Variants in GRIN2A observed in about 807,000 individuals in gnomAD.
GRIN2A encodes glutamate ionotropic receptor NMDA type subunit 2A.
A neutral mutation model predicts 113.4 loss-of-function variants in GRIN2A; 22 were observed. The observed-to-expected ratio is 0.19, with a 90% CI of 0.14 to 0.28. GRIN2A has a LOEUF of 0.28. Among genes scored for constraint, GRIN2A ranks in the 10% least tolerant of loss-of-function variants. GRIN2A has a pLI of 1.00. For synonymous variants in GRIN2A, 827 were observed against 738.4 expected (o/e 1.12, Z -1.94); for missense variants, 1,502 against 1,887.0 (o/e 0.80, Z 3.78).
At chr16:10,120,766 AGTTC>A (rs1250192792) in intron 2 of GRIN2A, among the ~76,000 whole-genome samples, 3 of 152,132 alleles carry the variant, frequency 2.0e-5, no homozygotes, top group African/African-American at 7.2e-5. Flanking sequence ...CACTCCAGTT[AGTTC>A]AAGAGAAACT....
chr16:10,034,535 C>CAAAAAAAAA (rs58076569), intron 2 of GRIN2A, among the ~76,000 whole-genome samples: 6 of 36,430 alleles, frequency 1.6e-4, no homozygotes, highest in African/African-American at 3.3e-4. Flanking sequence ...CAAAAAAAAG[C>CAAAAAAAAA]AAAAAAAAAA....
At chr16:9,809,155 C>T (rs994187582) in intron 10 of GRIN2A, among the ~76,000 whole-genome samples, 6 of 152,186 alleles carry the variant, frequency 3.9e-5, no homozygotes, top group Admixed American at 2.6e-4. Flanking sequence ...CACGGTGGCT[C>T]ACTCCTGTAA....
At chr16:10,099,158 C>T (rs1265280059) in intron 2 of GRIN2A, among the ~76,000 whole-genome samples, 1 of 152,040 alleles carries the variant, frequency 6.6e-6, no homozygotes, top group African/African-American at 2.4e-5. Context: ...TTTCCTTGAC[C>T]TTAAAGGCTT....
At chr16:9,799,198 T>C (rs1324334954) in intron 10 of GRIN2A, among the ~76,000 whole-genome samples, 2 of 152,230 alleles carry the variant, frequency 1.3e-5, no homozygotes, top group African/African-American at 4.8e-5. Flanking sequence ...TAGGGTGTTA[T>C]GGGGCTGCAC....
chr16:9,776,857 C>T (rs774571304), intron 11 of GRIN2A, among the ~76,000 whole-genome samples: 2 of 152,158 alleles, frequency 1.3e-5, no homozygotes, highest in African/African-American at 2.4e-5. Context: ...GGCACAGATT[C>T]ATTGGCAGGC....
chr16:10,000,301 G>T (rs1056508410), intron 2 of GRIN2A, among the ~76,000 whole-genome samples: 1 of 152,100 alleles, frequency 6.6e-6, no homozygotes, highest in African/African-American at 2.4e-5. Flanking sequence ...TGAAGAACAT[G>T]CATGTGTTAA....
intron 2 of GRIN2A, among the ~76,000 whole-genome samples, chr16:10,148,026 C>A (rs2049482012): frequency 6.6e-6 from 1 of 152,182 alleles, no homozygotes; most frequent in Admixed American, 6.5e-5. Flanking sequence ...ACTTGCCTTC[C>A]TGAGCTTCCC....
In GRIN2A at chr16:9,759,695, A is replaced by G. The variant is rs1338460835; in HGVS notation, c.*3454T>C. The G allele has an allele frequency of 4.4e-6, 1 of 229,546 alleles. No homozygotes were observed. The highest frequency in any genetic ancestry group is 6.2e-5 in the East Asian group (1 of 16,142). The allele number at this position is 229,546 out of a possible 1,614,324, so 14.2% of individuals were successfully genotyped here. A position where few individuals can be genotyped will look rare whatever the true frequency, so the allele number is the denominator to read the frequency against. ...ATGCCCAGTCATGGTGCTGGCTAAA[A>G]TAACGCAGAGAGATTTGCAGAGGAC... is the stretch of plus-strand genomic sequence containing the variant. On this transcript the variant is annotated 3_prime_UTR_variant, in exon 13 of 13. Transcript: ENST00000330684.
intron 3 of GRIN2A, among the ~76,000 whole-genome samples, chr16:9,933,565 C>T (rs1349603754): frequency 6.6e-6 from 1 of 152,210 alleles, no homozygotes; most frequent in African/African-American, 2.4e-5. Flanking sequence ...TTATCAGATG[C>T]TTTGCAGAGT....
chr16:10,053,501 C>T (rs1052821640), intron 2 of GRIN2A, among the ~76,000 whole-genome samples: 1 of 152,276 alleles, frequency 6.6e-6, no homozygotes, highest in South Asian at 2.1e-4. Context: ...CCACTACACA[C>T]CGTCTCTCTT....
At chr16:9,968,564 C>A (rs2045607591) in intron 2 of GRIN2A, among the ~76,000 whole-genome samples, 1 of 152,032 alleles carries the variant, frequency 6.6e-6, no homozygotes, top group Non-Finnish European at 1.5e-5. Context: ...CCACCCACCT[C>A]GGCCTCCCAA....
chr16:9,853,335 G>A (rs2042916267), intron 4 of GRIN2A, among the ~76,000 whole-genome samples: 1 of 152,208 alleles, frequency 6.6e-6, no homozygotes, highest in Admixed American at 6.5e-5. Context: ...GTTAGGAGGA[G>A]GGGTCTTTGG....
chr16:10,145,668 G>A (rs976513138), intron 2 of GRIN2A, among the ~76,000 whole-genome samples: 1 of 152,276 alleles, frequency 6.6e-6, no homozygotes, highest in African/African-American at 2.4e-5. Context: ...AAATAATAAT[G>A]TACTTCAAGG....
At chr16:9,805,671 C>T (rs1412398547) in intron 10 of GRIN2A, 2 of 152,180 alleles carry the variant, frequency 1.3e-5, no homozygotes, top group Non-Finnish European at 1.5e-5. Flanking sequence ...TAACTTATTA[C>T]AGGGCTGGCT....
chr16:10,162,156 C>T (rs560852067), intron 2 of GRIN2A, among the ~76,000 whole-genome samples: 1 of 152,142 alleles, frequency 6.6e-6, no homozygotes, highest in South Asian at 2.1e-4. Context: ...ACCTAGAAGT[C>T]CTAGAAGGGT....
chr16:10,154,035 C>T (rs146374432), intron 2 of GRIN2A, among the ~76,000 whole-genome samples: 1 of 152,298 alleles, frequency 6.6e-6, no homozygotes, highest in East Asian at 1.9e-4. Context: ...ATGCTGTCCA[C>T]CCCACAGTCC....
intron 2 of GRIN2A, 139 bp downstream of exon 2, chr16:10,179,859 G>C: frequency 1.3e-6 from 1 of 745,558 alleles, no homozygotes; most frequent in South Asian, 1.5e-5. Context: ...GTTCTCACCA[G>C]GGCCAGTGGC....
intron 5 of GRIN2A, among the ~76,000 whole-genome samples, chr16:9,847,265 G>C (rs1358474077): frequency 6.6e-6 from 1 of 152,086 alleles, no homozygotes; most frequent in African/African-American, 2.4e-5. Flanking sequence ...TTTTTAAAAA[G>C]ACTAAAGGAA....
At position 9,764,424 on chromosome 16, in the gene GRIN2A, C is replaced by G. The variant is rs756663920; in HGVS notation, c.3120G>C (p.Glu1040Asp). The G allele has an allele frequency of 1.1e-5, 17 of 1,614,040 alleles. No individual in the cohort carries two copies. The South Asian group carries it at 1.6e-4, about 16-fold the overall frequency. The change falls in exon 13 of 13, where the codon GAG becomes GAC. Residue 1040 changes from glutamate to aspartate, a missense_variant. Glu to Asp is a conservative substitution (Grantham distance 45). Coordinates refer to ENST00000330684, the MANE Select transcript of GRIN2A (RefSeq NM_001134407.3). ...PVSQRDEATAENRTHSLKSPR... is the reference protein window; with the variant it reads ...PVSQRDEATADNRTHSLKSPR... Reference sequence around the variant, plus strand: ...GGCTCTTTAGGGAGTGGGTCCTATTCTCTGCTGTTGCCTCATCCCTCTGGG... The same window carrying G: ...GGCTCTTTAGGGAGTGGGTCCTATTGTCTGCTGTTGCCTCATCCCTCTGGG...
Sources: gnomAD v4.1 joint callset for allele counts (sites outside exome capture counted in the v4.1 genomes callset) on GRCh38, gnomAD v4.1.1 for gene constraint, MANE v1.5 for transcripts, NCBI Gene and HGNC (gene_info 2026-07-23, HGNC 2026-07-21) for gene names.